XYLT1: variants seen among roughly 807,000 people sequenced by gnomAD.
XYLT1 encodes the protein beta-D-xylosyltransferase 1.
Under a neutral mutation model 91.3 loss-of-function variants are expected in XYLT1, and 36 were observed. The ratio of observed to expected loss-of-function variants is 0.39; its 90% confidence interval spans 0.30 to 0.52. XYLT1 has a LOEUF of 0.52. Among genes scored for constraint, XYLT1 ranks in the 20% least tolerant of loss-of-function variants. The pLI is 0.68. For synonymous variants in XYLT1, 588 were observed against 532.0 expected (o/e 1.11, Z -1.45); for missense variants, 1,242 against 1,284.5 (o/e 0.97, Z 0.51).
rs76376420 is a variant in XYLT1 at position 17,410,646 on chromosome 16, T to C, written c.364-52596A>G. On this transcript the variant is annotated intron_variant, in intron 1 of 11. Transcript: ENST00000261381. ...GCCAAACCATATCACCTGTCATTACTTTTTTTTTTTTTTTTTTTTGAGATG... is the reference window on the plus strand; with the variant it reads ...GCCAAACCATATCACCTGTCATTACCTTTTTTTTTTTTTTTTTTTGAGATG... Among the ~76,000 whole-genome samples, 374 of 92,380 alleles carry C rather than the reference T, an allele frequency of 4.0e-3. 4 individuals carry two copies. Among genetic ancestry groups the C allele is most frequent in the Middle Eastern group, 0.016 (3 of 182 alleles). 60.6% of individuals were successfully genotyped at this position (92,380 alleles called of 152,430 possible).
At chr16:17,433,290 C>T (rs1340409829) in intron 1 of XYLT1, among the ~76,000 whole-genome samples, 3 of 152,210 alleles carry the variant, frequency 2.0e-5, no homozygotes, top group Non-Finnish European at 4.4e-5. Context: ...AAAAAACTCC[C>T]ATGTGCTTGG....
rs150353425 is a variant in XYLT1, at chr16:17,131,129, C to T, written c.2028-3268G>A. On this transcript the variant is annotated intron_variant, in intron 9 of 11. Transcript: ENST00000261381. ...CGTGCCTAACACACAGGCTGACACA[C>T]GATAGCTACTCAATCAGTACTTATT... Among the ~76,000 whole-genome samples, 11 of 152,238 alleles carry T rather than the reference C, an allele frequency of 7.2e-5. No homozygotes were observed. In the East Asian group the frequency reaches 7.7e-4, roughly 11 times the overall value.
intron 2 of XYLT1, among the ~76,000 whole-genome samples, chr16:17,283,710 T>C (rs1480533838): frequency 2.0e-5 from 3 of 152,190 alleles, no homozygotes; most frequent in African/African-American, 4.8e-5. Context: ...ATTTCCTTAA[T>C]CAAGGGCAGC....
At chr16:17,423,118 T>C in intron 1 of XYLT1, among the ~76,000 whole-genome samples, 1 of 150,468 alleles carries the variant, frequency 6.6e-6, no homozygotes, top group East Asian at 1.9e-4. Context: ...GAGGTTTTTC[T>C]TCCCTGCTAA....
chr16:17,300,515 G>A (rs533288400), intron 2 of XYLT1, among the ~76,000 whole-genome samples: 22 of 124,108 alleles, frequency 1.8e-4, no homozygotes, highest in Non-Finnish European at 2.8e-4. Flanking sequence ...GGAGTGCAGC[G>A]GCACGATCTC....
intron 2 of XYLT1, among the ~76,000 whole-genome samples, chr16:17,302,509 A>G (rs1388357848): frequency 1.3e-5 from 2 of 152,104 alleles, no homozygotes; most frequent in African/African-American, 2.4e-5. Flanking sequence ...GGCCTGTGTC[A>G]ATTATTTGGA....
intron 8 of XYLT1, among the ~76,000 whole-genome samples, chr16:17,136,613 C>T (rs570288922): frequency 6.6e-6 from 1 of 151,750 alleles, no homozygotes. Flanking sequence ...TTACCAGGAA[C>T]CCATCTAGGG....
rs543009799 is a variant in XYLT1, at chr16:17,393,897, TC to T, written c.364-35848del. Among the ~76,000 whole-genome samples, 226 of 152,124 alleles carry T rather than the reference TC, an allele frequency of 1.5e-3. 2 individuals carry two copies. The highest frequency in any genetic ancestry group is 5.2e-3 in the African/African-American group (214 of 41,496). The stretch of plus-strand genomic sequence containing the variant: ...TTCACACCATTCTCCTGCCTCAGCC[TC>T]CCGAGTAGCTCGGACTACAGGCGCC... On this transcript the variant is annotated intron_variant, in intron 1 of 11. Coordinates refer to ENST00000261381, the MANE Select transcript of XYLT1 (RefSeq NM_022166.4).
chr16:17,268,932 C>T (rs2033847599), intron 2 of XYLT1, among the ~76,000 whole-genome samples: 1 of 152,132 alleles, frequency 6.6e-6, no homozygotes, highest in Non-Finnish European at 1.5e-5. Context: ...CTTGGCCTCC[C>T]AAAGTGCTGG....
intron 1 of XYLT1, among the ~76,000 whole-genome samples, chr16:17,388,552 C>T (rs1000353011): frequency 6.6e-6 from 1 of 152,100 alleles, no homozygotes; most frequent in African/African-American, 2.4e-5. Flanking sequence ...TGGAGACCAG[C>T]ATACTTAATA....
chr16:17,289,152 A>G (rs895421507), intron 2 of XYLT1, among the ~76,000 whole-genome samples: 1 of 152,166 alleles, frequency 6.6e-6, no homozygotes, highest in Non-Finnish European at 1.5e-5. Context: ...CTCTGCCTCA[A>G]CCTCTCAACC....
chr16:17,223,283 C>T (rs749559983), intron 3 of XYLT1, among the ~76,000 whole-genome samples: 33 of 152,176 alleles, frequency 2.2e-4, no homozygotes, highest in African/African-American at 6.0e-4. Context: ...AACAGAGCCA[C>T]GTGGTCACAT....
chr16:17,368,735 C>T (rs1285653547), intron 1 of XYLT1, among the ~76,000 whole-genome samples: 2 of 151,970 alleles, frequency 1.3e-5, no homozygotes, highest in Non-Finnish European at 2.9e-5. Flanking sequence ...CAGGCCTGTG[C>T]CACCACGCCT....
intron 5 of XYLT1, 111 bp downstream of exon 5, chr16:17,198,101 C>A (rs994630835): frequency 2.3e-5 from 25 of 1,110,310 alleles, no homozygotes; most frequent in Admixed American, 1.6e-4. Flanking sequence ...CTATCCTGAG[C>A]GATCCTGTGG....
At chr16:17,321,546 T>C (rs2034721599) in intron 2 of XYLT1, among the ~76,000 whole-genome samples, 1 of 151,706 alleles carries the variant, frequency 6.6e-6, no homozygotes, top group Non-Finnish European at 1.5e-5. Flanking sequence ...TTAGTAGAGA[T>C]GGGGTTTCAC....
intron 10 of XYLT1, among the ~76,000 whole-genome samples, chr16:17,121,723 ATCCCCTATATCCCC>A (rs1339577575): frequency 6.6e-6 from 1 of 151,956 alleles, no homozygotes; most frequent in African/African-American, 2.4e-5. Context: ...GTAGTCTTTT[ATCCCCTATATCCCC>A]TCCCCTATAT....
chr16:17,294,743 C>T (rs1191983004), intron 2 of XYLT1, among the ~76,000 whole-genome samples: 1 of 152,160 alleles, frequency 6.6e-6, no homozygotes, highest in Non-Finnish European at 1.5e-5. Context: ...AGGAACAAAA[C>T]TTACCCTCCA....
chr16:17,366,807 C>T (rs1033015835), intron 1 of XYLT1, among the ~76,000 whole-genome samples: 1 of 152,128 alleles, frequency 6.6e-6, no homozygotes, highest in African/African-American at 2.4e-5. Flanking sequence ...GTAATTTTTT[C>T]AAACTCATTC....
intron 2 of XYLT1, among the ~76,000 whole-genome samples, chr16:17,302,764 A>G (rs377409425): frequency 5.9e-5 from 9 of 152,298 alleles, no homozygotes; most frequent in African/African-American, 2.2e-4. Flanking sequence ...AAAGAGATGA[A>G]TCAACAAACC....
Sources: gnomAD v4.1 joint callset for allele counts (sites outside exome capture counted in the v4.1 genomes callset) on GRCh38, gnomAD v4.1.1 for gene constraint, MANE v1.5 for transcripts, NCBI Gene and HGNC (gene_info 2026-07-23, HGNC 2026-07-21) for gene names.